The following TRANK1 variants were observed in gnomAD, a reference collection of about 807,000 sequenced individuals.
TRANK1 encodes the protein TPR and ankyrin repeat-containing protein 1.
In TRANK1, 198 loss-of-function variants were observed where a neutral mutation model predicts 266.0. That is an observed-to-expected ratio of 0.74 (90% CI 0.66 to 0.84). TRANK1 has a LOEUF of 0.84. Ranked by LOEUF, TRANK1 falls within the 40% of genes least tolerant of loss-of-function variation. The probability of loss-of-function intolerance (pLI) is 0.00; values close to 1 mark genes in which losing one functional copy is unlikely to be tolerated. For missense variants in TRANK1, 3,326 were observed against 3,634.6 expected (o/e 0.92, Z 2.18); for synonymous variants, 1,396 against 1,384.1 (o/e 1.01, Z -0.19).
intron 20 of TRANK1, 91 bp from the exon 21 acceptor site, chr3:36,834,998 CAT>C: frequency 1.6e-6 from 2 of 1,264,328 alleles, no homozygotes; most frequent in Non-Finnish European, 2.1e-6. Context: ...AGAGGATAGT[CAT>C]ATGTCTGCTT....
At position 36,827,630 on chromosome 3, in the gene TRANK1, T is replaced by C. The variant is rs555868789; in HGVS notation, c.*645A>G. Reference sequence around the variant, plus strand: ...ATTCTGAGGTAGTCTAACTGTGACTTGGCACAGGTAGCTAAGAATGATCAC... The same window carrying C: ...ATTCTGAGGTAGTCTAACTGTGACTCGGCACAGGTAGCTAAGAATGATCAC... On this transcript the variant is annotated 3_prime_UTR_variant, in exon 24 of 24. Transcript: ENST00000645898. 27 of 152,448 alleles carry C rather than the reference T, an allele frequency of 1.8e-4. No individual in the cohort carries two copies. Among genetic ancestry groups the C allele is most frequent in the African/African-American group, 5.8e-4 (24 of 41,520 alleles). The allele number at this position is 152,448 out of a possible 1,614,324, so 9.4% of individuals were successfully genotyped here. A position where few individuals can be genotyped will look rare whatever the true frequency, so the allele number is the denominator to read the frequency against.
chr3:36,921,038 C>T (rs1209758628), intron 1 of TRANK1, among the ~76,000 whole-genome samples: 2 of 152,182 alleles, frequency 1.3e-5, no homozygotes, highest in East Asian at 1.9e-4. Flanking sequence ...ATCTGTTCTC[C>T]TGGTCACCTG....
intron 17 of TRANK1, 51 bp downstream of exon 17, chr3:36,846,197 G>A (rs892415104): frequency 6.7e-7 from 1 of 1,494,754 alleles, no homozygotes; most frequent in Non-Finnish European, 9.0e-7. Flanking sequence ...AAGAACAGTT[G>A]AGAGAAACAC....
rs2080001904 is a variant in TRANK1, at chr3:36,908,230, C to T, written c.155+93G>A. ...AAGTGAGCAATAAAGAAAACAGAAA[C>T]AGGGTGGAATGATAAGAAATGAAAA... On this transcript the variant is annotated intron_variant, in intron 2 of 23. Coordinates refer to ENST00000645898, the MANE Select transcript of TRANK1 (RefSeq NM_001329998.2). 3 of 1,212,332 alleles carry T rather than the reference C, an allele frequency of 2.5e-6. No homozygotes were observed. In the South Asian group the frequency reaches 1.3e-4, roughly 52 times the overall value. 75.1% of individuals were successfully genotyped at this position (1,212,332 alleles called of 1,614,324 possible).
intron 5 of TRANK1, among the ~76,000 whole-genome samples, chr3:36,893,725 C>G (rs1381768629): frequency 2.6e-5 from 4 of 152,168 alleles, no homozygotes; most frequent in African/African-American, 9.7e-5. Flanking sequence ...TTCAGGTATG[C>G]TAACAGATCT....
chr3:36,901,859 C>T (rs1193406846), intron 3 of TRANK1, among the ~76,000 whole-genome samples: 1 of 152,182 alleles, frequency 6.6e-6, no homozygotes, highest in Non-Finnish European at 1.5e-5. Flanking sequence ...CATCAAGTCC[C>T]TTGGGCCACA....
In TRANK1 at chr3:36,847,192, A is replaced by G. The variant is rs759159061; in HGVS notation, c.5034+8T>C. 1 of 1,610,710 alleles carries G rather than the reference A, an allele frequency of 6.2e-7. No homozygotes were observed. The highest frequency in any genetic ancestry group is 2.2e-5 in the East Asian group (1 of 44,854). Reference sequence around the variant, plus strand: ...AAGTACATGTGTTGACAAATGGCAGAAATTCACCTTGTACATTTCTGGATT... The same window carrying G: ...AAGTACATGTGTTGACAAATGGCAGGAATTCACCTTGTACATTTCTGGATT... On this transcript the variant is annotated splice_region_variant and intron_variant, in intron 16 of 23. Transcript: ENST00000645898.
intron 23 of TRANK1, among the ~76,000 whole-genome samples, chr3:36,828,731 A>G (rs1050137451): frequency 1.3e-5 from 2 of 152,180 alleles, no homozygotes; most frequent in Non-Finnish European, 2.9e-5. Context: ...GAGGCCTTTT[A>G]AATAACAAAG....
At chr3:36,941,165 G>A (rs1007483289) in intron 1 of TRANK1, among the ~76,000 whole-genome samples, 11 of 152,136 alleles carry the variant, frequency 7.2e-5, no homozygotes, top group African/African-American at 2.4e-4. Context: ...GTGCACTACT[G>A]GCCTGGTTTC....
At chr3:36,846,520 G>A (rs930795100) in intron 16 of TRANK1, 116 bp from the exon 17 acceptor site, 13 of 996,376 alleles carry the variant, frequency 1.3e-5, no homozygotes, top group Non-Finnish European at 1.9e-5. Context: ...TTTTAGAGAA[G>A]CATAGCACAG....
intron 2 of TRANK1, among the ~76,000 whole-genome samples, chr3:36,905,442 C>G (rs770027706): frequency 7.2e-5 from 11 of 152,186 alleles, no homozygotes; most frequent in Non-Finnish European, 1.3e-4. Context: ...AGAGCTTGCT[C>G]TCTCCTCTTT....
rs1262728943 is a variant in TRANK1, at chr3:36,833,237, A to C, written c.6346T>G (p.Phe2116Val). The change falls in exon 22 of 24, where the codon TTT becomes GTT. Residue 2116 changes from phenylalanine to valine, a missense_variant. By Grantham distance (50) the Phe-to-Val change is conservative. Coordinates refer to ENST00000645898, the MANE Select transcript of TRANK1 (RefSeq NM_001329998.2). ...EKEMVKSCFEFFGISQVDAKY... is the reference protein window; with the variant it reads ...EKEMVKSCFEVFGISQVDAKY... ...GCATCCACCTGGGAAATCCCAAAAA[A>C]CTCAAAGCAAGATTTGACCATTTCC... 6.2e-7 allele frequency: 1 copy of C among 1,613,870 alleles called. No individual in the cohort carries two copies. The highest frequency in any genetic ancestry group is 8.5e-7 in the Non-Finnish European group (1 of 1,179,858).
intron 1 of TRANK1, among the ~76,000 whole-genome samples, chr3:36,941,010 G>A (rs2080489454): frequency 1.3e-5 from 2 of 152,056 alleles, no homozygotes; most frequent in Admixed American, 6.6e-5. Context: ...CTAGTCTAAG[G>A]GTGAGCAAAA....
chr3:36,913,552 C>G (rs1302651477), intron 1 of TRANK1, among the ~76,000 whole-genome samples: 2 of 151,914 alleles, frequency 1.3e-5, no homozygotes, highest in Non-Finnish European at 2.9e-5. Flanking sequence ...TTTCCTCTTC[C>G]CCGCAGGAAG....
At chr3:36,900,595 G>T (rs1332875039) in intron 3 of TRANK1, among the ~76,000 whole-genome samples, 2 of 151,992 alleles carry the variant, frequency 1.3e-5, no homozygotes, top group African/African-American at 4.8e-5. Context: ...ATAACAGAAA[G>T]CCGGGTGTAG....
chr3:36,875,403 C>T (rs1182015524), intron 8 of TRANK1, among the ~76,000 whole-genome samples: 1 of 152,182 alleles, frequency 6.6e-6, no homozygotes, highest in South Asian at 2.1e-4. Context: ...GGCTAATAAC[C>T]GGCAGAGAAA....
rs185340033 is a variant in TRANK1, at chr3:36,897,339, T to C, written c.434-1581A>G. On this transcript the variant is annotated intron_variant, in intron 4 of 23. Coordinates refer to ENST00000645898, the MANE Select transcript of TRANK1 (RefSeq NM_001329998.2). The stretch of plus-strand genomic sequence containing the variant: ...ATGCAGAGAAGTGCAGGCCAAGTCA[T>C]TGGGTTTGAAAGAAAATGAAGCCAG... Among the ~76,000 whole-genome samples the C allele has an allele frequency of 2.0e-5, 3 of 152,200 alleles. No homozygotes were observed. In the East Asian group the frequency reaches 5.8e-4, roughly 29 times the overall value.
At chr3:36,847,681 C>A (rs2078934324) in intron 15 of TRANK1, among the ~76,000 whole-genome samples, 1 of 152,124 alleles carries the variant, frequency 6.6e-6, no homozygotes, top group Non-Finnish European at 1.5e-5. Flanking sequence ...GAATCCCCAC[C>A]CCTTCTCAAA....
chr3:36,925,353 T>C (rs2080273251), intron 1 of TRANK1, among the ~76,000 whole-genome samples: 1 of 152,190 alleles, frequency 6.6e-6, no homozygotes, highest in East Asian at 1.9e-4. Flanking sequence ...TAGGGTTAAG[T>C]AGAATCATCT....
Sources: allele counts gnomAD v4.1 joint callset (sites outside exome capture counted in the v4.1 genomes callset), GRCh38; gene constraint gnomAD v4.1.1; transcripts MANE v1.5; gene names NCBI Gene and HGNC (gene_info 2026-07-23, HGNC 2026-07-21).